Variants in RORB observed in about 807,000 individuals in gnomAD.
RORB encodes the protein nuclear receptor ROR-beta.
A neutral mutation model predicts 59.1 loss-of-function variants in RORB; 6 were observed. The ratio of observed to expected loss-of-function variants is 0.10; its 90% confidence interval spans 0.06 to 0.20. RORB has a LOEUF of 0.20. Among genes scored for constraint, RORB ranks in the 10% least tolerant of loss-of-function variants. RORB has a pLI of 1.00. For missense variants in RORB, 320 were observed against 560.5 expected (o/e 0.57, Z 4.33); for synonymous variants, 215 against 204.5 (o/e 1.05, Z -0.44).
intron 1 of RORB, among the ~76,000 whole-genome samples, chr9:74,586,269 A>T (rs952262002): frequency 9.2e-5 from 14 of 152,124 alleles, no homozygotes; most frequent in African/African-American, 3.4e-4. Context: ...AGGCCAAAGC[A>T]GGTGGATCAC....
At chr9:74,551,555 T>C (rs1185887359) in intron 1 of RORB, among the ~76,000 whole-genome samples, 5 of 152,208 alleles carry the variant, frequency 3.3e-5, no homozygotes, top group African/African-American at 1.2e-4. Flanking sequence ...ATTTATGGAA[T>C]TTTTTATTTA....
intron 1 of RORB, among the ~76,000 whole-genome samples, chr9:74,520,062 A>G (rs1826063607): frequency 6.6e-6 from 1 of 151,940 alleles, no homozygotes; most frequent in Admixed American, 6.6e-5. Flanking sequence ...TAGAGAGAGA[A>G]GGAAAAAAAA....
rs773206101 is a variant in RORB, at chr9:74,572,666, C to T, written c.8-57616C>T. Among the ~76,000 whole-genome samples the T allele has an allele frequency of 2.0e-4, 30 of 152,158 alleles. 1 individual carries two copies. Among genetic ancestry groups the T allele is most frequent in the Non-Finnish European group, 4.0e-4 (27 of 68,002 alleles). ...CTAAATTAAAACCGGTAAGGAGAAC[C>T]CCTTGGAATATTTTTTCTTTCTACA... On this transcript the variant is annotated intron_variant, in intron 1 of 9. Coordinates refer to ENST00000376896, the MANE Select transcript of RORB (RefSeq NM_006914.4).
intron 1 of RORB, among the ~76,000 whole-genome samples, chr9:74,554,762 G>C (rs947405657): frequency 6.6e-6 from 1 of 152,120 alleles, no homozygotes; most frequent in Non-Finnish European, 1.5e-5. Context: ...ATTTGGCAGC[G>C]CCAGGCCACA....
At chr9:74,680,403 C>T (rs978826495) in intron 9 of RORB, among the ~76,000 whole-genome samples, 2 of 152,106 alleles carry the variant, frequency 1.3e-5, no homozygotes, top group African/African-American at 2.4e-5. Flanking sequence ...TAGCTCTTGG[C>T]TCCTTAGGTT....
rs1365027267 is a variant in RORB, at chr9:74,597,185, C to T, written c.8-33097C>T. On this transcript the variant is annotated intron_variant, in intron 1 of 9. Coordinates refer to ENST00000376896, the MANE Select transcript of RORB (RefSeq NM_006914.4). ...AGACTACGTTTTGAGAATCACTGCTCTATAGGAAGTAGGAGCAATACCAGA... is the reference window on the plus strand; with the variant it reads ...AGACTACGTTTTGAGAATCACTGCTTTATAGGAAGTAGGAGCAATACCAGA... 6.6e-5 allele frequency among the ~76,000 whole-genome samples: 10 copies of T among 152,156 alleles called. No homozygotes were observed. The South Asian group carries it at 1.0e-3, about 16-fold the overall frequency.
intron 1 of RORB, among the ~76,000 whole-genome samples, chr9:74,599,712 G>A (rs1047869230): frequency 1.3e-5 from 2 of 152,102 alleles, no homozygotes; most frequent in South Asian, 2.1e-4. Context: ...GTTCAATGAC[G>A]TGCCCAAGGT....
At chr9:74,503,076 G>GT (rs1485812636) in intron 1 of RORB, among the ~76,000 whole-genome samples, 11 of 151,960 alleles carry the variant, frequency 7.2e-5, no homozygotes, top group African/African-American at 2.7e-4. Context: ...ATTAATGTAT[G>GT]TTTTTTATTC....
chr9:74,615,106 G>A (rs574499492), intron 1 of RORB, among the ~76,000 whole-genome samples: 19 of 152,156 alleles, frequency 1.2e-4, no homozygotes, highest in Non-Finnish European at 2.2e-4. Context: ...TGACAGAATA[G>A]GAACATGGTA....
chr9:74,548,138 G>A (rs941789948), intron 1 of RORB, among the ~76,000 whole-genome samples: 2 of 152,084 alleles, frequency 1.3e-5, no homozygotes, highest in African/African-American at 4.8e-5. Flanking sequence ...AGAGCAGCCA[G>A]GTCATAACGT....
chr9:74,582,117 A>G (rs1018786004), intron 1 of RORB, among the ~76,000 whole-genome samples: 1 of 152,160 alleles, frequency 6.6e-6, no homozygotes, highest in Admixed American at 6.5e-5. Flanking sequence ...GAAATAGTGC[A>G]TTCTGTCAGG....
chr9:74,529,338 T>C (rs1318584254), intron 1 of RORB, among the ~76,000 whole-genome samples: 2 of 151,560 alleles, frequency 1.3e-5, no homozygotes, highest in African/African-American at 2.4e-5. Flanking sequence ...AATCTAAGAA[T>C]AGTTAATGCA....
At chr9:74,533,648 G>T (rs956742954) in intron 1 of RORB, among the ~76,000 whole-genome samples, 5 of 152,024 alleles carry the variant, frequency 3.3e-5, no homozygotes, top group African/African-American at 1.2e-4. Context: ...TAAATTGATT[G>T]CAGGGCTGAG....
intron 1 of RORB, among the ~76,000 whole-genome samples, chr9:74,615,089 C>T (rs1823290849): frequency 6.6e-6 from 1 of 152,128 alleles, no homozygotes; most frequent in African/African-American, 2.4e-5. Context: ...AACTGTAATC[C>T]AATATTTGAC....
chr9:74,512,265 A>G (rs1429162176), intron 1 of RORB, among the ~76,000 whole-genome samples: 1 of 152,210 alleles, frequency 6.6e-6, no homozygotes, highest in African/African-American at 2.4e-5. Context: ...ATGTTAAAGA[A>G]TATCAACACA....
Position 74,630,284 on chromosome 9 carries a change from C to G in RORB, c.10C>G (p.Gln4Glu), listed in dbSNP as rs1159342870. MRA[Q>E]IEVIPCKICG... ...AAATGTCTGTTTTCTCCTTTCAGCA[C>G]AAATTGAAGTGATACCATGCAAAAT... The change falls in exon 2 of 10, where the codon CAA becomes GAA. Residue 4 changes from glutamine (Q) to glutamate (E), a missense_variant and splice_region_variant. Transcript: ENST00000376896. 1 of 1,612,428 alleles carries G rather than the reference C, an allele frequency of 6.2e-7. No homozygotes were observed. The highest frequency in any genetic ancestry group is 8.5e-7 in the Non-Finnish European group (1 of 1,178,720).
chr9:74,550,488 G>T (rs1002141591), intron 1 of RORB, among the ~76,000 whole-genome samples: 2 of 152,152 alleles, frequency 1.3e-5, no homozygotes, highest in Non-Finnish European at 1.5e-5. Context: ...GACTAGCTAG[G>T]GTTGAGAAAT....
intron 1 of RORB, among the ~76,000 whole-genome samples, chr9:74,551,619 T>C (rs1205727544): frequency 1.3e-5 from 2 of 152,208 alleles, no homozygotes; most frequent in African/African-American, 2.4e-5. Context: ...AAGGCACAGA[T>C]TGGGGCAGAC....
At chr9:74,603,204 G>A (rs1823095847) in intron 1 of RORB, among the ~76,000 whole-genome samples, 1 of 152,164 alleles carries the variant, frequency 6.6e-6, no homozygotes, top group African/African-American at 2.4e-5. Flanking sequence ...CAGAGAGGAT[G>A]CCCAACCTTC....
Sources: allele counts gnomAD v4.1 joint callset (sites outside exome capture counted in the v4.1 genomes callset), GRCh38; gene constraint gnomAD v4.1.1; transcripts MANE v1.5; gene names NCBI Gene and HGNC (gene_info 2026-07-23, HGNC 2026-07-21).